CARM1: variants seen among roughly 807,000 people sequenced by gnomAD.
The protein encoded by CARM1 is coactivator associated arginine methyltransferase 1, also known as histone-arginine methyltransferase CARM1.
Under a neutral mutation model 72.7 loss-of-function variants are expected in CARM1, and 14 were observed. The ratio of observed to expected loss-of-function variants is 0.19; its 90% CI spans 0.13 to 0.30. The LOEUF (loss-of-function observed/expected upper bound fraction) is 0.30, where lower values mean the gene tolerates loss of function less well. CARM1 is among the 10% of genes least tolerant of loss of function. The pLI is 1.00. For synonymous variants in CARM1, 333 were observed against 345.5 expected (o/e 0.96, Z 0.40); for missense variants, 432 against 833.7 (o/e 0.52, Z 5.93).
At chr19:10,873,985 TCCTA>T (rs2073843239) in intron 1 of CARM1, among the ~76,000 whole-genome samples, 1 of 152,146 alleles carries the variant, frequency 6.6e-6, no homozygotes, top group South Asian at 2.1e-4. Context: ...AGTGAGATGT[TCCTA>T]CCATCTTATT....
chr19:10,886,780 G>A (rs891247968), intron 1 of CARM1, among the ~76,000 whole-genome samples: 4 of 151,990 alleles, frequency 2.6e-5, no homozygotes, highest in Admixed American at 6.6e-5. Context: ...GCAGCAAGCC[G>A]AGGTCGCTCC....
rs1348747813 is a variant in CARM1 at position 10,916,011 on chromosome 19, C to T, written c.848-396C>T. Reference sequence around the variant, plus strand: ...CCGGGGCCCACCACCCTCCCTCTGTCCAGAGCAACTTTGCTATGCTTTCCC... The same window carrying T: ...CCGGGGCCCACCACCCTCCCTCTGTTCAGAGCAACTTTGCTATGCTTTCCC... On this transcript the variant is annotated intron_variant, in intron 6 of 15. Transcript: ENST00000327064. The surrounding 1 kb of genome is among the most constrained non-coding windows in gnomAD (Gnocchi z 4.4). Among the ~76,000 whole-genome samples the T allele has an allele frequency of 6.6e-6, 1 of 152,230 alleles. No individual in the cohort carries two copies. The highest frequency in any genetic ancestry group is 1.9e-4 in the East Asian group (1 of 5,198).
chr19:10,889,897 C>T (rs1013022585), intron 1 of CARM1, among the ~76,000 whole-genome samples: 1 of 152,190 alleles, frequency 6.6e-6, no homozygotes, highest in African/African-American at 2.4e-5. Flanking sequence ...CAATCCCCTC[C>T]CCAGGGAACA....
chr19:10,900,299 TC>T (rs1304365961), intron 1 of CARM1, among the ~76,000 whole-genome samples: 1 of 152,150 alleles, frequency 6.6e-6, no homozygotes, highest in African/African-American at 2.4e-5. Context: ...TGCATAACAA[TC>T]ACCTCTATCT....
chr19:10,912,310 G>A lies in CARM1; in HGVS notation c.669+16G>A, dbSNP rs767005535. On this transcript the variant is annotated intron_variant, in intron 5 of 15. Transcript: ENST00000327064. The surrounding 1 kb of genome is among the most constrained non-coding windows in gnomAD (Gnocchi z 4.5). ...GCACGCTGAGGTCAGTGGCCCGCTG[G>A]TGCCCACCCAGCCTCGTCCTCGCCC... 5.2e-5 allele frequency: 83 copies of A among 1,588,488 alleles called. No homozygotes were observed. The highest frequency in any genetic ancestry group is 7.0e-5 in the Non-Finnish European group (81 of 1,157,394).
At chr19:10,892,257 C>T (rs1310730366) in intron 1 of CARM1, among the ~76,000 whole-genome samples, 1 of 152,198 alleles carries the variant, frequency 6.6e-6, no homozygotes, top group Admixed American at 6.5e-5. Flanking sequence ...TACATAAGGC[C>T]CTGCAAAGGG....
At chr19:10,875,510 T>C (rs1049675957) in intron 1 of CARM1, among the ~76,000 whole-genome samples, 11 of 152,216 alleles carry the variant, frequency 7.2e-5, no homozygotes, top group African/African-American at 1.9e-4. Flanking sequence ...CTGCAAGCTC[T>C]GCCTCCTGGG....
intron 1 of CARM1, among the ~76,000 whole-genome samples, chr19:10,876,411 A>G (rs1044292886): frequency 2.0e-5 from 3 of 152,164 alleles, no homozygotes; most frequent in Non-Finnish European, 4.4e-5. Flanking sequence ...GGAGCCCCCT[A>G]TGCTCCAGGG....
intron 6 of CARM1, 35 bp downstream of exon 6, chr19:10,914,089 G>C (rs369148588): frequency 1.1e-5 from 17 of 1,572,224 alleles, no homozygotes; most frequent in African/African-American, 1.4e-5. Flanking sequence ...CAGGCCCCTC[G>C]GTGGAGGCCC....
rs1431138722 is a variant in CARM1 at position 10,915,650 on chromosome 19, A to T, written c.848-757A>T. Among the ~76,000 whole-genome samples the T allele has an allele frequency of 6.6e-6, 1 of 152,230 alleles. No homozygotes were observed. The highest frequency in any genetic ancestry group is 2.4e-5 in the African/African-American group (1 of 41,556). ...GCCTCGGGTACAGCCTGGTGGCGTA[A>T]GGAGGAGGCAGAGTCCCACTGATAC... On this transcript the variant is annotated intron_variant, in intron 6 of 15. Transcript: ENST00000327064. The surrounding 1 kb of genome is among the most constrained non-coding windows in gnomAD (Gnocchi z 4.6).
intron 1 of CARM1, among the ~76,000 whole-genome samples, chr19:10,874,545 A>C (rs931073739): frequency 2.0e-5 from 3 of 151,960 alleles, no homozygotes; most frequent in Non-Finnish European, 4.4e-5. Context: ...GGCATGTGCC[A>C]CACCCAGCTA....
intron 1 of CARM1, among the ~76,000 whole-genome samples, chr19:10,890,764 T>TATACAC: frequency 1.5e-5 from 1 of 67,770 alleles, no homozygotes; most frequent in South Asian, 5.9e-4. Context: ...CACACACATA[T>TATACAC]ACACACACAC....
At chr19:10,878,906 A>G (rs995569566) in intron 1 of CARM1, among the ~76,000 whole-genome samples, 1 of 151,356 alleles carries the variant, frequency 6.6e-6, no homozygotes, top group Non-Finnish European at 1.5e-5. Context: ...TCCCGGGTTC[A>G]AGCGATTCTC....
intron 8 of CARM1, among the ~76,000 whole-genome samples, chr19:10,918,524 T>C (rs1174353640): frequency 6.6e-6 from 1 of 152,184 alleles, no homozygotes; most frequent in African/African-American, 2.4e-5. Context: ...CACCTGGCGT[T>C]GAGCCTCTTA....
intron 1 of CARM1, among the ~76,000 whole-genome samples, chr19:10,873,481 C>T (rs946412792): frequency 2.0e-5 from 3 of 151,174 alleles, no homozygotes; most frequent in East Asian, 2.0e-4. Flanking sequence ...CCCAGCTACT[C>T]GGGAGGCAGA....
chr19:10,883,258 G>T (rs2073915365), intron 1 of CARM1, among the ~76,000 whole-genome samples: 2 of 152,158 alleles, frequency 1.3e-5, no homozygotes, highest in East Asian at 3.9e-4. Context: ...CTGCTATGTG[G>T]CCTGGAAGAG....
At chr19:10,894,419 G>A (rs1316251158) in intron 1 of CARM1, among the ~76,000 whole-genome samples, 1 of 152,046 alleles carries the variant, frequency 6.6e-6, no homozygotes, top group African/African-American at 2.4e-5. Flanking sequence ...GGGTCGGGGT[G>A]TCTCCCTCTT....
chr19:10,890,065 T>C (rs1269541204), intron 1 of CARM1, among the ~76,000 whole-genome samples: 1 of 152,106 alleles, frequency 6.6e-6, no homozygotes, highest in East Asian at 1.9e-4. Flanking sequence ...GTGGGCAACA[T>C]AGCAAGACCC....
chr19:10,905,345 C>G (rs2074095048), intron 2 of CARM1, among the ~76,000 whole-genome samples: 3 of 152,246 alleles, frequency 2.0e-5, no homozygotes, highest in Non-Finnish European at 4.4e-5. Flanking sequence ...TCCTGACCAC[C>G]TGGGACCAGT....
Sources: gnomAD v4.1 joint callset for allele counts (sites outside exome capture counted in the v4.1 genomes callset) on GRCh38, gnomAD v4.1.1 for gene constraint, Gnocchi (gnomAD v3.1) non-coding constraint, MANE v1.5 for transcripts, NCBI Gene and HGNC (gene_info 2026-07-23, HGNC 2026-07-21) for gene names.